ACSBG1: variants seen among roughly 807,000 people sequenced by gnomAD.
ACSBG1 encodes the protein long-chain-fatty-acid--CoA ligase ACSBG1.
A neutral mutation model predicts 80.2 loss-of-function variants in ACSBG1; 39 were observed. The ratio of observed to expected loss-of-function variants is 0.49; its 90% CI spans 0.38 to 0.64. The LOEUF (loss-of-function observed/expected upper bound fraction) is 0.64. ACSBG1 is among the 30% of genes least tolerant of loss of function. The pLI, the probability that ACSBG1 is intolerant of heterozygous loss-of-function variation, is 0.00. For missense variants in ACSBG1, 828 were observed against 966.4 expected (o/e 0.86, Z 1.90); for synonymous variants, 392 against 379.5 (o/e 1.03, Z -0.38).
At chr15:78,218,923 T>C (rs1428008397) in intron 1 of ACSBG1, among the ~76,000 whole-genome samples, 2 of 151,570 alleles carry the variant, frequency 1.3e-5, no homozygotes, top group East Asian at 3.9e-4. Flanking sequence ...GAAATTCTCC[T>C]GTCTCAGCCT....
At chr15:78,214,028 C>T (rs543819396) in intron 1 of ACSBG1, among the ~76,000 whole-genome samples, 5 of 152,286 alleles carry the variant, frequency 3.3e-5, no homozygotes, top group African/African-American at 9.6e-5. Flanking sequence ...CAAGGTTTAC[C>T]CAGTATGTGC....
At position 78,182,461 on chromosome 15, in the gene ACSBG1, C is replaced by T. The variant is rs776023553; in HGVS notation, c.894+5G>A. 5.0e-6 allele frequency: 8 copies of T among 1,613,622 alleles called. No homozygotes were observed. Among genetic ancestry groups the T allele is most frequent in the Non-Finnish European group, 6.8e-6 (8 of 1,179,928 alleles). ...CCCCCCCACCCCACCGGGCATCTGT[C>T]CTACATTGTCTTGACTCAGCATCAC... On this transcript the variant is annotated splice_donor_5th_base_variant and intron_variant, in intron 7 of 13. Coordinates refer to ENST00000258873, the MANE Select transcript of ACSBG1 (RefSeq NM_015162.5).
chr15:78,204,123 G>A (rs1394256355), intron 2 of ACSBG1, among the ~76,000 whole-genome samples: 1 of 152,222 alleles, frequency 6.6e-6, no homozygotes, highest in Non-Finnish European at 1.5e-5. Flanking sequence ...CCTTCTCAAT[G>A]GGGACTGAAG....
At position 78,222,196 on chromosome 15, in the gene ACSBG1, G is replaced by A. The variant is rs918592964; in HGVS notation, c.131+12175C>T. On this transcript the variant is annotated intron_variant, in intron 1 of 13. Transcript: ENST00000258873. ...TGTTAAGAGAAAGAAGCCAGTCACAGTAGATCATATATTGTATTAGTCCAC... is the reference window on the plus strand; with the variant it reads ...TGTTAAGAGAAAGAAGCCAGTCACAATAGATCATATATTGTATTAGTCCAC... Among the ~76,000 whole-genome samples the A allele has an allele frequency of 2.6e-5, 4 of 152,226 alleles. No individual in the cohort carries two copies. The East Asian group carries it at 7.7e-4, about 29-fold the overall frequency.
At position 78,168,014 on chromosome 15, in the gene ACSBG1, A is replaced by AAAG. The variant is rs1489858881; in HGVS notation, c.*3429_*3430insCTT. Reference sequence around the variant, plus strand: ...TACATAGTGGGCCCTTTTATTGTGTAGGATGGAAAGATAAAGAGAATTAAA... The same window carrying AAAG: ...TACATAGTGGGCCCTTTTATTGTGTAAAGGGATGGAAAGATAAAGAGAATTAAA... On this transcript the variant is annotated 3_prime_UTR_variant, in exon 14 of 14. Coordinates refer to ENST00000258873, the MANE Select transcript of ACSBG1 (RefSeq NM_015162.5). The AAAG allele has an allele frequency of 6.6e-6, 1 of 152,184 alleles. No homozygotes were observed. The highest frequency in any genetic ancestry group is 2.4e-5 in the African/African-American group (1 of 41,436). 9.4% of individuals were successfully genotyped at this position (152,184 alleles called of 1,614,324 possible).
rs1281150229 is a variant in ACSBG1 at position 78,173,632 on chromosome 15, T to C, written c.2050A>G (p.Ile684Val). ...ARPYHIQKWAILERDFSISGG... is the reference protein window; with the variant it reads ...ARPYHIQKWAVLERDFSISGG... ...GAAATGGAGAAGTCTCTCTCGAGAA[T>C]GGCCCACTTCTGGATGTGGTAGGGC... Residue 684 changes from isoleucine (I) to valine (V), a missense_variant, in exon 13 of 14, where the codon ATT (isoleucine) becomes GTT (valine). Around this residue, in one of 3 missense-constraint regions of ACSBG1, gnomAD observed 201 missense variants for 227.0 expected, o/e 0.89. Coordinates refer to ENST00000258873, the MANE Select transcript of ACSBG1 (RefSeq NM_015162.5). 1 of 1,614,110 alleles carries C rather than the reference T, an allele frequency of 6.2e-7. No individual in the cohort carries two copies. Among genetic ancestry groups the C allele is most frequent in the Non-Finnish European group, 8.5e-7 (1 of 1,180,038 alleles).
chr15:78,202,406 T>C (rs891705312), intron 2 of ACSBG1, among the ~76,000 whole-genome samples: 2 of 152,202 alleles, frequency 1.3e-5, no homozygotes, highest in South Asian at 4.1e-4. Context: ...AGACGGGGTA[T>C]CACTATGTTG....
chr15:78,214,373 A>G (rs1359038089), intron 1 of ACSBG1, among the ~76,000 whole-genome samples: 2 of 152,138 alleles, frequency 1.3e-5, no homozygotes, highest in South Asian at 2.1e-4. Context: ...GGCGTGAGTG[A>G]GGTTTGGATG....
chr15:78,218,896 C>T (rs987589852), intron 1 of ACSBG1, among the ~76,000 whole-genome samples: 2 of 149,876 alleles, frequency 1.3e-5, no homozygotes, highest in East Asian at 4.0e-4. Context: ...ACTGCAACCT[C>T]TGCCTGCCGG....
intron 1 of ACSBG1, among the ~76,000 whole-genome samples, chr15:78,226,781 G>GA (rs200496676): frequency 2.0e-4 from 9 of 43,994 alleles, no homozygotes; most frequent in Admixed American, 6.8e-4. Flanking sequence ...AGAACACATA[G>GA]AAAAATATAT....
At chr15:78,215,731 A>AAAGAAAGAAAGAAAGG (rs2075303641) in intron 1 of ACSBG1, among the ~76,000 whole-genome samples, 5 of 98,024 alleles carry the variant, frequency 5.1e-5, no homozygotes, top group Non-Finnish European at 1.1e-4. Context: ...AAAGAGAAAG[A>AAAGAAAGAAAGAAAGG]AAGAAAGAAA....
At position 78,168,453 on chromosome 15, in the gene ACSBG1, C is replaced by A. The variant is rs2074776707; in HGVS notation, c.*2991G>T. Reference sequence around the variant, plus strand: ...GTGGTGAGCTGGGATCGTGCCACTGCACTCCAGCCTGGGCAACAGAGTGAG... The same window carrying A: ...GTGGTGAGCTGGGATCGTGCCACTGAACTCCAGCCTGGGCAACAGAGTGAG... On this transcript the variant is annotated 3_prime_UTR_variant, in exon 14 of 14. Coordinates refer to ENST00000258873, the MANE Select transcript of ACSBG1 (RefSeq NM_015162.5). The A allele has an allele frequency of 6.6e-6, 1 of 151,510 alleles. No individual in the cohort carries two copies. Among genetic ancestry groups the A allele is most frequent in the South Asian group, 2.1e-4 (1 of 4,798 alleles). The allele number at this position is 151,510 out of a possible 1,614,324, so 9.4% of individuals were successfully genotyped here.
chr15:78,183,363 G>C (rs1258373192), intron 5 of ACSBG1, among the ~76,000 whole-genome samples: 1 of 152,160 alleles, frequency 6.6e-6, no homozygotes, highest in Non-Finnish European at 1.5e-5. Context: ...GGTCATTTGA[G>C]GTCAGGAGTT....
intron 11 of ACSBG1, among the ~76,000 whole-genome samples, chr15:78,176,122 G>A (rs2074880659): frequency 6.6e-6 from 1 of 152,050 alleles, no homozygotes; most frequent in Non-Finnish European, 1.5e-5. Flanking sequence ...TGCCCAGGCT[G>A]GTCTCGAATT....
intron 5 of ACSBG1, among the ~76,000 whole-genome samples, chr15:78,192,023 G>C (rs900147345): frequency 6.6e-6 from 1 of 152,042 alleles, no homozygotes; most frequent in Admixed American, 6.5e-5. Context: ...AATATTCCTG[G>C]TGTCCTTATA....
rs1228333715 is a variant in ACSBG1 at position 78,178,186 on chromosome 15, G to T, written c.1702+428C>A. On this transcript the variant is annotated intron_variant, in intron 11 of 13. Transcript: ENST00000258873. The surrounding 1 kb of genome is among the most constrained non-coding windows in gnomAD (Gnocchi z 4.3). Reference sequence around the variant, plus strand: ...TAAATAAAACGATGTCACTAAAGGTGCCATCTTAATAAAGGCTCAAGACCA... The same window carrying T: ...TAAATAAAACGATGTCACTAAAGGTTCCATCTTAATAAAGGCTCAAGACCA... Among the ~76,000 whole-genome samples the T allele has an allele frequency of 6.6e-6, 1 of 152,148 alleles. No homozygotes were observed. The highest frequency in any genetic ancestry group is 2.4e-5 in the African/African-American group (1 of 41,432).
intron 1 of ACSBG1, among the ~76,000 whole-genome samples, chr15:78,233,992 G>A (rs1360100017): frequency 2.0e-5 from 3 of 152,218 alleles, no homozygotes; most frequent in Non-Finnish European, 4.4e-5. Flanking sequence ...AACTGGAGCG[G>A]GAACCTCTGG....
chr15:78,214,069 T>C (rs1027812481), intron 1 of ACSBG1, among the ~76,000 whole-genome samples: 3 of 151,854 alleles, frequency 2.0e-5, no homozygotes, highest in Admixed American at 1.3e-4. Context: ...CCATCCCAGC[T>C]CCCCCCATTC....
intron 5 of ACSBG1, 116 bp from the exon 6 acceptor site, chr15:78,182,901 G>A: frequency 9.4e-7 from 1 of 1,058,528 alleles, no homozygotes; most frequent in Non-Finnish European, 1.4e-6. Flanking sequence ...CCCCGTCTCT[G>A]ACCTTCGACC....
Sources: gnomAD v4.1 joint callset for allele counts (sites outside exome capture counted in the v4.1 genomes callset) on GRCh38, gnomAD v4.1.1 for gene constraint, gnomAD v4.1.1 regional missense constraint, Gnocchi (gnomAD v3.1) non-coding constraint, MANE v1.5 for transcripts, NCBI Gene and HGNC (gene_info 2026-07-23, HGNC 2026-07-21) for gene names.